Variants in CD38 observed in about 807,000 individuals in gnomAD.
CD38 encodes CD38 molecule, also known as ADP-ribosyl cyclase/cyclic ADP-ribose hydrolase 1.
Under a neutral mutation model 36.3 loss-of-function variants are expected in CD38, and 31 were observed. The ratio of observed to expected loss-of-function variants is 0.85; its 90% CI spans 0.64 to 1.15. The LOEUF is 1.15. Ranked by LOEUF, CD38 falls within the 50% of genes most tolerant of loss-of-function variation. CD38 has a pLI of 0.00. For missense variants in CD38, 380 were observed against 371.9 expected (o/e 1.02, Z -0.18); for synonymous variants, 131 against 135.2 (o/e 0.97, Z 0.22).
intron 2 of CD38, among the ~76,000 whole-genome samples, chr4:15,817,790 A>G (rs1039593097): frequency 6.6e-6 from 1 of 152,116 alleles, no homozygotes; most frequent in Non-Finnish European, 1.5e-5. Flanking sequence ...AGATGGCTGA[A>G]TAGGAACAGC....
chr4:15,830,652 A>G lies in CD38; in HGVS notation c.500-3565A>G, dbSNP rs1449707055. 3.3e-5 allele frequency among the ~76,000 whole-genome samples: 5 copies of G among 152,100 alleles called. 1 individual carries two copies. Among genetic ancestry groups the G allele is most frequent in the Non-Finnish European group, 7.4e-5 (5 of 67,990 alleles). On this transcript the variant is annotated intron_variant, in intron 3 of 7. Transcript: ENST00000226279. ...TGCCTGTGCTCATGGGGTATTGCTC[A>G]ATAATTTTTTTTGCCCAGACAAATG...
chr4:15,840,375 C>T (rs896505671), intron 6 of CD38, 77 bp from the exon 7 acceptor site: 73 of 947,052 alleles, frequency 7.7e-5, no homozygotes, highest in Middle Eastern at 6.5e-4. Context: ...TTGTCCAGGG[C>T]GTGCTACAAA....
chr4:15,835,531 C>T (rs1418313511), intron 4 of CD38, among the ~76,000 whole-genome samples: 1 of 151,958 alleles, frequency 6.6e-6, no homozygotes, highest in African/African-American at 2.4e-5. Context: ...GTGTGGGCCA[C>T]TATGCCCGGC....
At chr4:15,826,262 C>G (rs1484081202) in intron 3 of CD38, among the ~76,000 whole-genome samples, 3 of 152,110 alleles carry the variant, frequency 2.0e-5, no homozygotes, top group Admixed American at 2.0e-4. Flanking sequence ...CTAGACTTTT[C>G]CTATGCTAAT....
chr4:15,805,205 T>A (rs1287224723), intron 1 of CD38, among the ~76,000 whole-genome samples: 1 of 152,198 alleles, frequency 6.6e-6, no homozygotes, highest in Non-Finnish European at 1.5e-5. Context: ...TAATGGAAAC[T>A]TTTAAAAACT....
At chr4:15,792,434 A>T (rs1486809934) in intron 1 of CD38, among the ~76,000 whole-genome samples, 4 of 148,990 alleles carry the variant, frequency 2.7e-5, no homozygotes, top group Admixed American at 1.3e-4. Flanking sequence ...AAATAAAATA[A>T]AATAAAAAAA....
In CD38 at chr4:15,778,454, C is replaced by T; in HGVS notation, c.40C>T (p.Pro14Ser). 1 of 1,614,044 alleles carries T rather than the reference C, an allele frequency of 6.2e-7. No individual in the cohort carries two copies. The highest frequency in any genetic ancestry group is 8.5e-7 in the Non-Finnish European group (1 of 1,180,006). The change falls in exon 1 of 8, where the codon CCC becomes TCC. Residue 14 changes from proline (P) to serine (S), a missense_variant. Pro to Ser is a moderately conservative substitution (Grantham distance 74, BLOSUM62 -1). Transcript: ENST00000226279. This position sits in a 1 kb window ranked among gnomAD's most constrained non-coding sequence, Gnocchi z 4.9. ...CEFSPVSGDK[P>S]CCRLSRRAQL... is the part of the protein sequence containing the mutation. The stretch of plus-strand genomic sequence containing the variant: ...GTTCAGCCCGGTGTCCGGGGACAAA[C>T]CCTGCTGCCGGCTCTCTAGGAGAGC...
At chr4:15,830,539 G>A (rs1303331737) in intron 3 of CD38, among the ~76,000 whole-genome samples, 1 of 151,956 alleles carries the variant, frequency 6.6e-6, no homozygotes, top group Non-Finnish European at 1.5e-5. Context: ...CCATTCTGTG[G>A]GCTCTCTCTT....
chr4:15,837,359 A>G (rs377479460), intron 4 of CD38, among the ~76,000 whole-genome samples: 6 of 151,172 alleles, frequency 4.0e-5, no homozygotes, highest in African/African-American at 1.5e-4. Context: ...TTTAATTTTT[A>G]ATTTTTGTGG....
At chr4:15,829,775 A>G (rs1029628159) in intron 3 of CD38, among the ~76,000 whole-genome samples, 1 of 152,118 alleles carries the variant, frequency 6.6e-6, no homozygotes, top group Admixed American at 6.6e-5. Context: ...CCATTTTTCT[A>G]TTCTCCATGT....
At chr4:15,785,993 G>A (rs181115950) in intron 1 of CD38, among the ~76,000 whole-genome samples, 1,531 of 152,210 alleles carry the variant, frequency 0.01, 8 homozygotes, top group Non-Finnish European at 0.017. Context: ...AAGGCAGCGC[G>A]TCTGGAGTTG....
chr4:15,830,271 G>T (rs1274631337), intron 3 of CD38, among the ~76,000 whole-genome samples: 1 of 152,114 alleles, frequency 6.6e-6, no homozygotes, highest in East Asian at 1.9e-4. Flanking sequence ...CCTGACTTTT[G>T]GATGAAAGCC....
rs568722176 is a variant in CD38 at position 15,790,786 on chromosome 4, GC to G, written c.233+12141del. ...AGGAAGTGAGGAGCGTCTCTGCCCG[GC>G]CGCCCATCGTCTGAGATGTGGGGAG... On this transcript the variant is annotated intron_variant, in intron 1 of 7. Transcript: ENST00000226279. Among the ~76,000 whole-genome samples, 537 of 150,298 alleles carry G rather than the reference GC, an allele frequency of 3.6e-3. 3 individuals carry two copies. Among genetic ancestry groups the G allele is most frequent in the African/African-American group, 0.013 (510 of 40,358 alleles).
At chr4:15,806,966 A>T (rs939098193) in intron 1 of CD38, among the ~76,000 whole-genome samples, 1 of 152,210 alleles carries the variant, frequency 6.6e-6, no homozygotes, top group Admixed American at 6.5e-5. Context: ...TCCAATTGTC[A>T]TAATCCCTTT....
At chr4:15,825,246 A>G in intron 3 of CD38, 1 of 457,412 alleles carries the variant, frequency 2.2e-6, no homozygotes, top group South Asian at 3.5e-5. Flanking sequence ...CTGTACAAGA[A>G]GTAGGGTACC....
intron 1 of CD38, among the ~76,000 whole-genome samples, chr4:15,815,249 G>C (rs1013469554): frequency 1.3e-5 from 2 of 152,096 alleles, no homozygotes; most frequent in Non-Finnish European, 2.9e-5. Flanking sequence ...TGGCTATACG[G>C]GCTCTTTTTT....
intron 1 of CD38, among the ~76,000 whole-genome samples, chr4:15,783,985 A>C (rs545821757): frequency 6.6e-6 from 1 of 152,340 alleles, no homozygotes; most frequent in African/African-American, 2.4e-5. Flanking sequence ...GGAGATTCAC[A>C]AATGAAGAAA....
In CD38 at chr4:15,808,808, G is replaced by C. The variant is rs189257208; in HGVS notation, c.234-7703G>C. 5.9e-5 allele frequency among the ~76,000 whole-genome samples: 9 copies of C among 152,328 alleles called. No individual in the cohort carries two copies. The East Asian group carries it at 1.7e-3, about 29-fold the overall frequency. ...TACGGTAACTATTTGGTTCCATCAT[G>C]GTGGCTGAGTAGGTGGCTCTGGAAA... On this transcript the variant is annotated intron_variant, in intron 1 of 7. Coordinates refer to ENST00000226279, the MANE Select transcript of CD38 (RefSeq NM_001775.4).
At chr4:15,803,399 T>C (rs781429466) in intron 1 of CD38, among the ~76,000 whole-genome samples, 1 of 152,180 alleles carries the variant, frequency 6.6e-6, no homozygotes, top group Non-Finnish European at 1.5e-5. Context: ...GGAATTAATA[T>C]CTAGAATATA....
Sources: allele counts gnomAD v4.1 joint callset (sites outside exome capture counted in the v4.1 genomes callset), GRCh38; gene constraint gnomAD v4.1.1; non-coding constraint Gnocchi (gnomAD v3.1); transcripts MANE v1.5; gene names NCBI Gene and HGNC (gene_info 2026-07-23, HGNC 2026-07-21).